ADRA1B: variants seen among roughly 807,000 people sequenced by gnomAD.
ADRA1B encodes the protein alpha-1B adrenergic receptor.
A neutral mutation model predicts 17.9 loss-of-function variants in ADRA1B; 17 were observed. The ratio of observed to expected loss-of-function variants is 0.95; its 90% CI spans 0.65 to 1.42. The LOEUF (loss-of-function observed/expected upper bound fraction) is 1.42. Among genes scored for constraint, ADRA1B ranks in the 40% most tolerant of loss-of-function variants. The probability of loss-of-function intolerance (pLI) is 0.00; values close to 1 mark genes in which losing one functional copy is unlikely to be tolerated. For synonymous variants in ADRA1B, 366 were observed against 327.6 expected (o/e 1.12, Z -1.27); for missense variants, 681 against 722.1 (o/e 0.94, Z 0.65).
intron 1 of ADRA1B, among the ~76,000 whole-genome samples, chr5:159,949,698 C>A (rs1312948049): frequency 2.0e-5 from 3 of 152,166 alleles, no homozygotes; most frequent in African/African-American, 7.2e-5. Flanking sequence ...GTAGGAGGTA[C>A]TAGGTCAAGA....
At chr5:159,895,848 G>C (rs1218347904) in intron 1 of ADRA1B, among the ~76,000 whole-genome samples, 2 of 152,240 alleles carry the variant, frequency 1.3e-5, no homozygotes, top group African/African-American at 4.8e-5. Flanking sequence ...CAGGTGAGGT[G>C]GCTCATGCCT....
In ADRA1B at chr5:159,965,259, C is replaced by T. The variant is rs866606674; in HGVS notation, c.950-6620C>T. Reference sequence around the variant, plus strand: ...AAGGAAGGAGGCTTCCCAGGCCTGGCGAGCCATGATTCCAAGAGGCAGGGC... The same window carrying T: ...AAGGAAGGAGGCTTCCCAGGCCTGGTGAGCCATGATTCCAAGAGGCAGGGC... On this transcript the variant is annotated intron_variant, in intron 1 of 1. Transcript: ENST00000306675. 9.3e-4 allele frequency among the ~76,000 whole-genome samples: 142 copies of T among 152,158 alleles called. 1 individual carries two copies. Among genetic ancestry groups the T allele is most frequent in the Middle Eastern group, 3.4e-3 (1 of 294 alleles).
In ADRA1B at chr5:159,917,779, G is replaced by A; in HGVS notation, c.874G>A (p.Ala292Thr). The A allele has an allele frequency of 6.2e-7, 1 of 1,613,868 alleles. No individual in the cohort carries two copies. Among genetic ancestry groups the A allele is most frequent in the Non-Finnish European group, 8.5e-7 (1 of 1,180,036 alleles). Residue 292 changes from alanine to threonine, a missense_variant, in exon 1 of 2, where the codon GCA (alanine) becomes ACA (threonine). Physicochemically the swap from Ala to Thr is moderately conservative, Grantham distance 58 (BLOSUM62 0). Coordinates refer to ENST00000306675, the MANE Select transcript of ADRA1B (RefSeq NM_000679.4). The stretch of plus-strand genomic sequence containing the variant: ...TTTTAAGTTCTCCAGGGAAAAGAAA[G>A]CAGCTAAGACGTTGGGCATTGTGGT... ...KLFKFSREKK[A>T]AKTLGIVVGM... is the part of the protein sequence containing the mutation.
upstream of ADRA1B, chr5:159,916,021 G>C (rs987649002): frequency 6.6e-6 from 1 of 152,174 alleles, no homozygotes; most frequent in Admixed American, 6.6e-5. Context: ...GAGTTTGCAC[G>C]GGGCGAGGGG....
chr5:159,873,914 T>C (rs1187968813), intron 1 of ADRA1B, among the ~76,000 whole-genome samples: 1 of 152,170 alleles, frequency 6.6e-6, no homozygotes, highest in African/African-American at 2.4e-5. Context: ...TAGTATTTGA[T>C]TGGAAGGTCA....
At chr5:159,868,945 ACT>A (rs1209559406) in intron 1 of ADRA1B, 1 of 152,122 alleles carries the variant, frequency 6.6e-6, no homozygotes, top group African/African-American at 2.4e-5. Flanking sequence ...ACTTAACTTG[ACT>A]CTAAGCAAAC....
intron 1 of ADRA1B, among the ~76,000 whole-genome samples, chr5:159,891,121 TC>T (rs1188091304): frequency 2.0e-5 from 3 of 152,156 alleles, no homozygotes; most frequent in African/African-American, 7.2e-5. Context: ...GGCTCCTTCT[TC>T]TGAAGAAAAA....
At chr5:159,941,919 C>CTTTTT (rs70987983) in intron 1 of ADRA1B, among the ~76,000 whole-genome samples, 5 of 122,136 alleles carry the variant, frequency 4.1e-5, no homozygotes, top group East Asian at 2.6e-4. Flanking sequence ...TACTGGGTTT[C>CTTTTT]TTTTTTTTTT....
chr5:159,865,386 C>T (rs1274090957), intron 1 of ADRA1B, among the ~76,000 whole-genome samples: 1 of 151,954 alleles, frequency 6.6e-6, no homozygotes, highest in Admixed American at 6.6e-5. Context: ...AAAAACAACA[C>T]TGTGCAAAGC....
intron 1 of ADRA1B, among the ~76,000 whole-genome samples, chr5:159,936,668 T>C (rs1754963749): frequency 6.7e-6 from 1 of 149,706 alleles, no homozygotes; most frequent in Non-Finnish European, 1.5e-5. Flanking sequence ...AAAAAAAAAA[T>C]CCCTTCAACC....
chr5:159,906,637 C>T (rs909443409), intron 1 of ADRA1B, among the ~76,000 whole-genome samples: 2 of 152,196 alleles, frequency 1.3e-5, no homozygotes, highest in Non-Finnish European at 2.9e-5. Flanking sequence ...CAAACCTTTG[C>T]CTACTCAACA....
chr5:159,945,757 T>G (rs533247713), intron 1 of ADRA1B, among the ~76,000 whole-genome samples: 61 of 151,400 alleles, frequency 4.0e-4, no homozygotes, highest in Middle Eastern at 3.4e-3. Flanking sequence ...TGTTTGTTTT[T>G]TTTTTTTTGA....
At chr5:159,978,208 C>A in the ADRA1B span, among the ~76,000 whole-genome samples, 1 of 152,166 alleles carries the variant, frequency 6.6e-6, no homozygotes, top group Admixed American at 6.5e-5. Context: ...ATTCTCAGCA[C>A]TTCATGTAGT....
At chr5:159,979,652 G>C in the ADRA1B span, among the ~76,000 whole-genome samples, 1 of 152,184 alleles carries the variant, frequency 6.6e-6, no homozygotes, top group East Asian at 1.9e-4. Flanking sequence ...CGGATCACCG[G>C]AGGTCAGGAG....
chr5:159,876,033 A>G (rs1753798390), intron 1 of ADRA1B, among the ~76,000 whole-genome samples: 2 of 150,018 alleles, frequency 1.3e-5, no homozygotes, highest in Non-Finnish European at 3.0e-5. Context: ...TACTAAAAAT[A>G]CAAAAATTAA....
At chr5:159,871,751 C>T (rs1222049911) in intron 1 of ADRA1B, among the ~76,000 whole-genome samples, 1 of 152,170 alleles carries the variant, frequency 6.6e-6, no homozygotes, top group Non-Finnish European at 1.5e-5. Context: ...TGCTATTCAA[C>T]CCAATACAAA....
intron 1 of ADRA1B, among the ~76,000 whole-genome samples, chr5:159,967,853 G>T (rs563714301): frequency 6.6e-6 from 1 of 152,284 alleles, no homozygotes; most frequent in Non-Finnish European, 1.5e-5. Context: ...GTCCTTGGAG[G>T]GTACATTGTA....
At chr5:159,940,599 C>A (rs1450461021) in intron 1 of ADRA1B, among the ~76,000 whole-genome samples, 2 of 152,150 alleles carry the variant, frequency 1.3e-5, no homozygotes, top group African/African-American at 4.8e-5. Context: ...CTATACCTGT[C>A]TCAATGGTTC....
intron 1 of ADRA1B, among the ~76,000 whole-genome samples, chr5:159,969,273 G>A (rs1755826359): frequency 6.6e-6 from 1 of 152,130 alleles, no homozygotes; most frequent in Admixed American, 6.6e-5. Flanking sequence ...TGAACTCCTG[G>A]CTGACTTACT....
Sources: gnomAD v4.1 joint callset for allele counts (sites outside exome capture counted in the v4.1 genomes callset) on GRCh38, gnomAD v4.1.1 for gene constraint, MANE v1.5 for transcripts, NCBI Gene and HGNC (gene_info 2026-07-23, HGNC 2026-07-21) for gene names.